Variants in GLIS3 observed in about 807,000 individuals in gnomAD.
GLIS3 encodes the protein zinc finger protein GLIS3.
In GLIS3, 53 loss-of-function variants were observed where a neutral mutation model predicts 78.6. The observed-to-expected ratio is 0.67, with a 90% confidence interval of 0.54 to 0.85. The LOEUF (loss-of-function observed/expected upper bound fraction) is 0.85. Among genes scored for constraint, GLIS3 ranks in the 40% least tolerant of loss-of-function variants. The pLI, the probability that GLIS3 is intolerant of heterozygous loss-of-function variation, is 0.00. For synonymous variants in GLIS3, 684 were observed against 509.9 expected, an observed-to-expected ratio of 1.34 and a Z score of -4.60; for missense variants, 1,703 against 1,231.1, an observed-to-expected ratio of 1.38 and a Z score of -5.74.
intron 2 of GLIS3, among the ~76,000 whole-genome samples, chr9:4,177,065 A>C (rs533237004): frequency 1.3e-5 from 2 of 152,254 alleles, no homozygotes; most frequent in Non-Finnish European, 2.9e-5. Context: ...TTACCAATGT[A>C]TGGGAATCCT....
chr9:4,267,898 T>G (rs140751829), intron 2 of GLIS3, among the ~76,000 whole-genome samples: 90 of 152,102 alleles, frequency 5.9e-4, no homozygotes, highest in African/African-American at 2.1e-3. Context: ...AGATTTGCTA[T>G]CCAGACATCC....
At chr9:4,428,079 A>G in the GLIS3 span, among the ~76,000 whole-genome samples, 2 of 152,112 alleles carry the variant, frequency 1.3e-5, no homozygotes, top group African/African-American at 2.4e-5. Context: ...AAGTCAGAGG[A>G]ATAAACATGA....
chr9:4,313,818 C>T (rs182421401), intron 2 of GLIS3, among the ~76,000 whole-genome samples: 3 of 152,340 alleles, frequency 2.0e-5, no homozygotes, highest in Admixed American at 2.0e-4. Context: ...GCATTTTCCA[C>T]TGGGTGTGTG....
intron 2 of GLIS3, among the ~76,000 whole-genome samples, chr9:4,277,360 A>G (rs1827120661): frequency 6.6e-6 from 1 of 152,246 alleles, no homozygotes; most frequent in Non-Finnish European, 1.5e-5. Flanking sequence ...CTAGATTAAA[A>G]CCAATTGAAA....
chr9:4,457,497 T>C, the GLIS3 span, among the ~76,000 whole-genome samples: 1 of 152,102 alleles, frequency 6.6e-6, no homozygotes, highest in East Asian at 1.9e-4. Flanking sequence ...TGTGGACTTG[T>C]TTTGGGTGGG....
the GLIS3 span, among the ~76,000 whole-genome samples, chr9:4,391,118 C>A: frequency 6.6e-6 from 1 of 152,118 alleles, no homozygotes; most frequent in Non-Finnish European, 1.5e-5. Flanking sequence ...GCCCTAGACC[C>A]AGCCACCTCT....
At chr9:3,856,975 T>C (rs1819837156) in intron 8 of GLIS3, among the ~76,000 whole-genome samples, 1 of 152,154 alleles carries the variant, frequency 6.6e-6, no homozygotes, top group South Asian at 2.1e-4. Flanking sequence ...TGAAGGAAAA[T>C]TGGAAAGACC....
the GLIS3 span, among the ~76,000 whole-genome samples, chr9:4,461,311 T>C: frequency 6.6e-6 from 1 of 152,238 alleles, no homozygotes; most frequent in African/African-American, 2.4e-5. Flanking sequence ...TTCTTTTTAA[T>C]ATGAATCATT....
chr9:4,232,022 T>G (rs2131367673), intron 2 of GLIS3, among the ~76,000 whole-genome samples: 1 of 152,186 alleles, frequency 6.6e-6, no homozygotes. Flanking sequence ...ACATTTAGCT[T>G]TGTATAGGAT....
chr9:4,256,069 C>A (rs1220949755), intron 2 of GLIS3, among the ~76,000 whole-genome samples: 1 of 151,934 alleles, frequency 6.6e-6, no homozygotes, highest in Non-Finnish European at 1.5e-5. Context: ...CAAACTTGCC[C>A]AAGCCCTTAT....
intron 2 of GLIS3, among the ~76,000 whole-genome samples, chr9:4,154,966 A>C (rs1157552339): frequency 1.3e-5 from 2 of 152,234 alleles, no homozygotes; most frequent in African/African-American, 4.8e-5. Flanking sequence ...TTTTCAAAGA[A>C]TACTGAACTA....
the GLIS3 span, among the ~76,000 whole-genome samples, chr9:4,397,032 T>C: frequency 1.6e-4 from 23 of 147,168 alleles, no homozygotes; most frequent in Non-Finnish European, 2.7e-4. Flanking sequence ...TTCTTTTTTT[T>C]TTTTTTTTTT....
chr9:4,149,461 A>G (rs1364186624), intron 2 of GLIS3, among the ~76,000 whole-genome samples: 1 of 152,228 alleles, frequency 6.6e-6, no homozygotes, highest in African/African-American at 2.4e-5. Context: ...CTAGATGGAG[A>G]GAACACAGGA....
chr9:3,951,625 G>A (rs1015432731), intron 4 of GLIS3, among the ~76,000 whole-genome samples: 10 of 147,394 alleles, frequency 6.8e-5, no homozygotes, highest in Non-Finnish European at 1.0e-4. Context: ...AAAAGGGACC[G>A]ACCGGTCCTC....
the GLIS3 span, among the ~76,000 whole-genome samples, chr9:4,400,921 A>G: frequency 0.25 from 37,760 of 152,188 alleles, 5,134 homozygotes; most frequent in African/African-American, 0.35. Context: ...GCAATACCCA[A>G]GGAGTATGCC....
At chr9:3,912,655 T>A (rs1226347812) in intron 6 of GLIS3, among the ~76,000 whole-genome samples, 9 of 152,194 alleles carry the variant, frequency 5.9e-5, no homozygotes, top group Non-Finnish European at 1.5e-5. Flanking sequence ...ACATTGAGAA[T>A]CTTACATTTT....
At chr9:4,100,006 G>C (rs1830244095) in intron 4 of GLIS3, among the ~76,000 whole-genome samples, 1 of 152,142 alleles carries the variant, frequency 6.6e-6, no homozygotes, top group Admixed American at 6.5e-5. Context: ...GAAATAATTA[G>C]ACCACTCATT....
At chr9:4,277,190 T>C (rs917021089) in intron 2 of GLIS3, among the ~76,000 whole-genome samples, 3 of 152,214 alleles carry the variant, frequency 2.0e-5, no homozygotes, top group Admixed American at 6.5e-5. Flanking sequence ...TTTTTCATTG[T>C]CTGTTGTTTT....
intron 2 of GLIS3, among the ~76,000 whole-genome samples, chr9:4,322,860 T>A (rs889638598): frequency 6.6e-6 from 1 of 152,204 alleles, no homozygotes. Flanking sequence ...ATTCTGTAGG[T>A]TGCCTGTTCA....
Sources: allele counts gnomAD v4.1 joint callset (sites outside exome capture counted in the v4.1 genomes callset), GRCh38; gene constraint gnomAD v4.1.1; transcripts MANE v1.5; gene names NCBI Gene and HGNC (gene_info 2026-07-23, HGNC 2026-07-21).